Variants in GPBP1 observed in about 807,000 individuals in gnomAD.
GPBP1 encodes the protein GC-rich promoter binding protein 1.
GPBP1 carries 13 observed loss-of-function variants against 56.5 expected under a neutral mutation model. The ratio of observed to expected loss-of-function variants is 0.23; its 90% CI spans 0.15 to 0.37. GPBP1 has a LOEUF of 0.37. Among genes scored for constraint, GPBP1 ranks in the 10% least tolerant of loss-of-function variants. The pLI is 1.00. For synonymous variants in GPBP1, 204 were observed against 188.9 expected (o/e 1.08, Z -0.66); for missense variants, 477 against 572.3 (o/e 0.83, Z 1.70).
chr5:57,176,579 A>G (rs1408890038), intron 2 of GPBP1, among the ~76,000 whole-genome samples, 179 bp downstream of exon 2: 2 of 152,198 alleles, frequency 1.3e-5, no homozygotes, highest in Non-Finnish European at 2.9e-5. Context: ...TGAAATTCAG[A>G]AAAAACGTTT....
At chr5:57,187,898 T>C (rs888030616) in intron 2 of GPBP1, among the ~76,000 whole-genome samples, 1 of 151,468 alleles carries the variant, frequency 6.6e-6, no homozygotes, top group Non-Finnish European at 1.5e-5. Flanking sequence ...TATATATATA[T>C]ATATGTATAA....
chr5:57,254,738 C>T (rs1309337339), intron 10 of GPBP1, among the ~76,000 whole-genome samples: 3 of 151,600 alleles, frequency 2.0e-5, no homozygotes, highest in Non-Finnish European at 4.4e-5. Flanking sequence ...GACCTTTCTC[C>T]TAAAATAATT....
intron 2 of GPBP1, among the ~76,000 whole-genome samples, chr5:57,190,295 G>C (rs1018884725): frequency 4.0e-5 from 6 of 151,874 alleles, no homozygotes; most frequent in East Asian, 1.9e-4. Context: ...TTTAGAAGCT[G>C]TTTTATCAGC....
intron 2 of GPBP1, among the ~76,000 whole-genome samples, chr5:57,202,668 A>G (rs910150388): frequency 6.6e-6 from 1 of 152,142 alleles, no homozygotes; most frequent in Non-Finnish European, 1.5e-5. Context: ...TCAGAGAAAA[A>G]ATTGCTTGTC....
chr5:57,183,592 A>C (rs1020327246), intron 2 of GPBP1, among the ~76,000 whole-genome samples: 4 of 151,916 alleles, frequency 2.6e-5, no homozygotes, highest in African/African-American at 9.7e-5. Flanking sequence ...TCAGTGAGCT[A>C]TGATTGTATC....
chr5:57,175,289 T>C (rs1753750400), intron 1 of GPBP1, among the ~76,000 whole-genome samples, 159 bp from the exon 2 acceptor site: 1 of 152,202 alleles, frequency 6.6e-6, no homozygotes, highest in Non-Finnish European at 1.5e-5. Flanking sequence ...CAGTAGACTT[T>C]TATCGGGTGC....
chr5:57,232,299 A>G (rs930054164), intron 5 of GPBP1, among the ~76,000 whole-genome samples: 1 of 152,294 alleles, frequency 6.6e-6, no homozygotes, highest in Admixed American at 6.5e-5. Context: ...CTTCAAAGAG[A>G]CTTTCTTCCT....
chr5:57,179,035 G>C (rs181688316), intron 2 of GPBP1, among the ~76,000 whole-genome samples: 1 of 152,214 alleles, frequency 6.6e-6, no homozygotes, highest in African/African-American at 2.4e-5. Context: ...AGAAAATTAG[G>C]ATTTAGGGGG....
chr5:57,213,674 C>T (rs1274030261), intron 2 of GPBP1, among the ~76,000 whole-genome samples: 1 of 152,036 alleles, frequency 6.6e-6, no homozygotes, highest in Non-Finnish European at 1.5e-5. Context: ...TAGGTGGGCA[C>T]AAGACTACAT....
intron 10 of GPBP1, among the ~76,000 whole-genome samples, chr5:57,252,183 C>T (rs1484593763): frequency 5.6e-5 from 7 of 125,688 alleles, no homozygotes; most frequent in Admixed American, 2.0e-4. Flanking sequence ...TCTGTGTTGC[C>T]CAGACTGGTC....
chr5:57,236,471 A>G (rs10940532), intron 6 of GPBP1, among the ~76,000 whole-genome samples: 5,733 of 152,258 alleles, frequency 0.038, 159 homozygotes, highest in African/African-American at 0.069. Flanking sequence ...ATATATATAC[A>G]CATATATGTA....
intron 2 of GPBP1, among the ~76,000 whole-genome samples, chr5:57,201,212 C>T (rs978236090): frequency 6.6e-6 from 1 of 152,144 alleles, no homozygotes; most frequent in African/African-American, 2.4e-5. Context: ...GGGCCTTGCT[C>T]TGTTGCCCAG....
rs1282472231 is a variant in GPBP1, at chr5:57,246,705, A to AT, written c.663+233dup. 4.9e-3 allele frequency among the ~76,000 whole-genome samples: 720 copies of AT among 147,062 alleles called. 2 individuals are homozygous for AT. Among genetic ancestry groups the AT allele is most frequent in the African/African-American group, 0.017 (677 of 40,364 alleles). ...TAGCAGTAGTAAGTGAAACTTAAAA[A>AT]TTTTTTTTTTTTGCTAGATGTAGTT... On this transcript the variant is annotated intron_variant, in intron 7 of 11. Transcript: ENST00000506184.
intron 2 of GPBP1, among the ~76,000 whole-genome samples, chr5:57,183,465 G>A (rs142329932): frequency 7.9e-5 from 12 of 152,246 alleles, no homozygotes; most frequent in Admixed American, 7.8e-4. Flanking sequence ...TGTGGCTCAC[G>A]CCTGTAATCC....
At chr5:57,212,959 C>A (rs972087647) in intron 2 of GPBP1, among the ~76,000 whole-genome samples, 2 of 152,088 alleles carry the variant, frequency 1.3e-5, no homozygotes, top group Non-Finnish European at 2.9e-5. Flanking sequence ...TGGGATTATA[C>A]GCGTGAGCCA....
At chr5:57,201,507 A>G (rs1755022893) in intron 2 of GPBP1, among the ~76,000 whole-genome samples, 1 of 152,298 alleles carries the variant, frequency 6.6e-6, no homozygotes, top group South Asian at 2.1e-4. Flanking sequence ...TTTTGATAAT[A>G]TAATAGTCAT....
At chr5:57,253,645 A>G (rs2111954584) in intron 10 of GPBP1, among the ~76,000 whole-genome samples, 1 of 152,250 alleles carries the variant, frequency 6.6e-6, no homozygotes, top group African/African-American at 2.4e-5. Context: ...ATATTGCAGT[A>G]TTTTTCTACC....
At chr5:57,223,297 C>T (rs1258036974) in intron 3 of GPBP1, among the ~76,000 whole-genome samples, 2 of 152,044 alleles carry the variant, frequency 1.3e-5, no homozygotes, top group African/African-American at 4.8e-5. Flanking sequence ...ACTGTGTTAG[C>T]CAGGATGGTC....
intron 3 of GPBP1, among the ~76,000 whole-genome samples, chr5:57,228,750 A>G (rs751212934): frequency 1.1e-3 from 167 of 152,124 alleles, no homozygotes; most frequent in Non-Finnish European, 1.4e-3. Flanking sequence ...ATACAAAAAA[A>G]TTTTTAAAAT....
Sources: gnomAD v4.1 joint callset for allele counts (sites outside exome capture counted in the v4.1 genomes callset) on GRCh38, gnomAD v4.1.1 for gene constraint, MANE v1.5 for transcripts, NCBI Gene and HGNC (gene_info 2026-07-23, HGNC 2026-07-21) for gene names.